The following ZDHHC21 variants were observed in gnomAD, a reference collection of about 807,000 sequenced individuals.
The protein encoded by ZDHHC21 is zDHHC palmitoyltransferase 21, also known as palmitoyltransferase ZDHHC21.
A neutral mutation model predicts 34.6 loss-of-function variants in ZDHHC21; 15 were observed. That is an observed-to-expected ratio of 0.43 (90% CI 0.29 to 0.67). The LOEUF (loss-of-function observed/expected upper bound fraction) is 0.67, where lower values mean the gene tolerates loss of function less well. ZDHHC21 is among the 30% of genes least tolerant of loss of function. ZDHHC21 has a pLI of 0.14. For synonymous variants in ZDHHC21, 142 were observed against 101.8 expected (o/e 1.40, Z -2.38); for missense variants, 344 against 327.7 (o/e 1.05, Z -0.38).
chr9:14,666,379 G>C (rs1251430112), intron 5 of ZDHHC21, among the ~76,000 whole-genome samples: 1 of 127,022 alleles, frequency 7.9e-6, no homozygotes, highest in Non-Finnish European at 1.7e-5. Flanking sequence ...AAGAGACTTA[G>C]ACTCCCACAC....
chr9:14,662,261 T>G lies in ZDHHC21; in HGVS notation c.319A>C (p.Ser107Arg), dbSNP rs1286141610. 6.2e-6 allele frequency: 10 copies of G among 1,613,154 alleles called. No individual in the cohort carries two copies. Among genetic ancestry groups the G allele is most frequent in the Non-Finnish European group, 5.9e-6 (7 of 1,179,706 alleles). ...LMRPKRSHHC[S>R]RCGHCVRRMD... is the part of the protein sequence containing the mutation. ...CTCCTCACACAGTGGCCGCAGCGGCTACAGTGATGGGAACGCTTTGGTCTC... is the reference window on the plus strand; with the variant it reads ...CTCCTCACACAGTGGCCGCAGCGGCGACAGTGATGGGAACGCTTTGGTCTC... Residue 107 changes from serine to arginine, a missense_variant, in exon 6 of 10, where the codon AGC (serine) becomes CGC (arginine). Transcript: ENST00000380916.
intron 8 of ZDHHC21, among the ~76,000 whole-genome samples, chr9:14,633,217 C>A (rs1827659753): frequency 6.6e-6 from 1 of 152,074 alleles, no homozygotes; most frequent in Admixed American, 6.5e-5. Context: ...AGAGAGAACA[C>A]TGGAAATCAA....
At chr9:14,640,732 C>G (rs1308908746) in intron 7 of ZDHHC21, among the ~76,000 whole-genome samples, 1 of 151,982 alleles carries the variant, frequency 6.6e-6, no homozygotes, top group Non-Finnish European at 1.5e-5. Context: ...GGGATGCATG[C>G]AGAGTACTGT....
In ZDHHC21 at chr9:14,613,473, C is replaced by A. The variant is rs1012660236; in HGVS notation, c.*5493G>T. 6.6e-6 allele frequency: 1 copy of A among 151,746 alleles called. No homozygotes were observed. Among genetic ancestry groups the A allele is most frequent in the Non-Finnish European group, 1.5e-5 (1 of 67,786 alleles). The allele number at this position is 151,746 out of a possible 1,614,324, so 9.4% of individuals were successfully genotyped here. ...CTTGCAATACGCAGGTAAGCTTTCC[C>A]TTTAGTTAACAGCCTGCAAACAATT... On this transcript the variant is annotated 3_prime_UTR_variant, in exon 10 of 10. Transcript: ENST00000380916.
At chr9:14,647,692 G>A (rs1168040811) in intron 7 of ZDHHC21, among the ~76,000 whole-genome samples, 1 of 151,902 alleles carries the variant, frequency 6.6e-6, no homozygotes, top group Non-Finnish European at 1.5e-5. Context: ...CACGTTTCTT[G>A]ACCCTCTCTC....
chr9:14,658,106 C>T (rs970689368), intron 7 of ZDHHC21, among the ~76,000 whole-genome samples: 13 of 152,108 alleles, frequency 8.5e-5, no homozygotes, highest in African/African-American at 3.1e-4. Context: ...ATTTGAGAAC[C>T]TTTAAAAATT....
At chr9:14,681,211 T>C (rs182961481) in intron 2 of ZDHHC21, among the ~76,000 whole-genome samples, 10 of 152,272 alleles carry the variant, frequency 6.6e-5, no homozygotes, top group African/African-American at 1.7e-4. Context: ...CGTGATGATA[T>C]TGCTATTCTA....
At chr9:14,601,931 G>A in the ZDHHC21 span, among the ~76,000 whole-genome samples, 1 of 152,100 alleles carries the variant, frequency 6.6e-6, no homozygotes, top group African/African-American at 2.4e-5. Context: ...TCACTCATAA[G>A]TGGGAGTTGA....
intron 3 of ZDHHC21, among the ~76,000 whole-genome samples, chr9:14,679,546 G>T (rs1837009040): frequency 6.6e-6 from 1 of 152,126 alleles, no homozygotes; most frequent in East Asian, 1.9e-4. Context: ...GGCTGAAAGA[G>T]AAAGGAGTAG....
At chr9:14,622,135 A>G (rs1825420364) in intron 8 of ZDHHC21, among the ~76,000 whole-genome samples, 3 of 152,118 alleles carry the variant, frequency 2.0e-5, no homozygotes, top group African/African-American at 7.2e-5. Flanking sequence ...TTACACCTCG[A>G]TTACAGTCTA....
chr9:14,664,088 T>C (rs185342066), intron 5 of ZDHHC21, among the ~76,000 whole-genome samples: 1 of 151,758 alleles, frequency 6.6e-6, no homozygotes, highest in Non-Finnish European at 1.5e-5. Context: ...TGCATTTCCA[T>C]CTGAGGTACC....
chr9:14,596,380 C>T, the ZDHHC21 span, among the ~76,000 whole-genome samples: 2 of 152,206 alleles, frequency 1.3e-5, no homozygotes, highest in South Asian at 4.1e-4. Context: ...AGAGGTGGGG[C>T]TCAGTGCCCT....
At chr9:14,632,739 C>T (rs10120026) in intron 8 of ZDHHC21, among the ~76,000 whole-genome samples, 117,838 of 150,908 alleles carry the variant, frequency 0.78, 46,675 homozygotes, top group African/African-American at 0.91. Flanking sequence ...AATACATAAC[C>T]TTTCTAACTC....
In ZDHHC21 at chr9:14,616,554, C is replaced by G. The variant is rs1302372205; in HGVS notation, c.*2412G>C. 1 of 151,700 alleles carries G rather than the reference C, an allele frequency of 6.6e-6. No individual in the cohort carries two copies. Among genetic ancestry groups the G allele is most frequent in the Non-Finnish European group, 1.5e-5 (1 of 67,792 alleles). The allele number at this position is 151,700 out of a possible 1,614,324, so 9.4% of individuals were successfully genotyped here. ...TAAATCTTTAGAGCCAGTATAATTA[C>G]ATCAATTAGCCAAAAGAGGGCGCAG... On this transcript the variant is annotated 3_prime_UTR_variant, in exon 10 of 10. Coordinates refer to ENST00000380916, the MANE Select transcript of ZDHHC21 (RefSeq NM_178566.6).
At chr9:14,591,037 T>G in the ZDHHC21 span, among the ~76,000 whole-genome samples, 1 of 152,084 alleles carries the variant, frequency 6.6e-6, no homozygotes, top group African/African-American at 2.4e-5. Flanking sequence ...CACAGTAATA[T>G]CTAAGGGTAG....
chr9:14,644,180 T>C (rs1476758775), intron 7 of ZDHHC21, among the ~76,000 whole-genome samples: 1 of 152,202 alleles, frequency 6.6e-6, no homozygotes, highest in Non-Finnish European at 1.5e-5. Flanking sequence ...AATTTCATTG[T>C]CTAAAGGTTT....
intron 2 of ZDHHC21, among the ~76,000 whole-genome samples, chr9:14,687,814 C>T (rs769781473): frequency 6.6e-5 from 10 of 150,946 alleles, no homozygotes; most frequent in Non-Finnish European, 1.3e-4. Flanking sequence ...AGAATACAAT[C>T]TAACAATTTA....
Position 14,616,262 on chromosome 9 carries a change from C to G in ZDHHC21, c.*2704G>C, listed in dbSNP as rs1396307634. The stretch of plus-strand genomic sequence containing the variant: ...CAGCTTTTCCAATTCTAAGGAATTA[C>G]TCTGCCAAAATAAGGTTTAAAATAA... On this transcript the variant is annotated 3_prime_UTR_variant, in exon 10 of 10. Coordinates refer to ENST00000380916, the MANE Select transcript of ZDHHC21 (RefSeq NM_178566.6). 1 of 151,626 alleles carries G rather than the reference C, an allele frequency of 6.6e-6. No individual in the cohort carries two copies. Among genetic ancestry groups the G allele is most frequent in the Non-Finnish European group, 1.5e-5 (1 of 67,736 alleles). 9.4% of individuals were successfully genotyped at this position (151,626 alleles called of 1,614,324 possible).
Position 14,614,404 on chromosome 9 carries a change from C to T in ZDHHC21, c.*4562G>A, listed in dbSNP as rs1480201551. The T allele has an allele frequency of 2.0e-5, 3 of 151,638 alleles. No homozygotes were observed. Among genetic ancestry groups the T allele is most frequent in the South Asian group, 2.1e-4 (1 of 4,824 alleles). The allele number at this position is 151,638 out of a possible 1,614,324, so 9.4% of individuals were successfully genotyped here. A position where few individuals can be genotyped will look rare whatever the true frequency, so the allele number is the denominator to read the frequency against. On this transcript the variant is annotated 3_prime_UTR_variant, in exon 10 of 10. Coordinates refer to ENST00000380916, the MANE Select transcript of ZDHHC21 (RefSeq NM_178566.6). ...TAGTGAGTTTTGTTGCTAAAAATTG[C>T]ACAATGATAATAAAAGAAGTCAGAA... is the stretch of plus-strand genomic sequence containing the variant.
Sources: gnomAD v4.1 joint callset for allele counts (sites outside exome capture counted in the v4.1 genomes callset) on GRCh38, gnomAD v4.1.1 for gene constraint, MANE v1.5 for transcripts, NCBI Gene and HGNC (gene_info 2026-07-23, HGNC 2026-07-21) for gene names.